Variants in NUDCD3 observed in about 807,000 individuals in gnomAD.
NUDCD3 encodes NudC domain containing 3.
In NUDCD3, 13 loss-of-function variants were observed where a neutral mutation model predicts 39.7. The ratio of observed to expected loss-of-function variants is 0.33; its 90% CI spans 0.21 to 0.52. The LOEUF (loss-of-function observed/expected upper bound fraction) is 0.52. Ranked by LOEUF, NUDCD3 falls within the 20% of genes least tolerant of loss-of-function variation. The probability of loss-of-function intolerance (pLI) is 0.96; values close to 1 mark genes in which losing one functional copy is unlikely to be tolerated. For synonymous variants in NUDCD3, 175 were observed against 172.4 expected, an observed-to-expected ratio of 1.02 and a Z score of -0.12; for missense variants, 453 against 458.1, an observed-to-expected ratio of 0.99 and a Z score of 0.10.
At chr7:44,486,460 A>T (rs1800611522) in intron 1 of NUDCD3, among the ~76,000 whole-genome samples, 1 of 152,060 alleles carries the variant, frequency 6.6e-6, no homozygotes. Flanking sequence ...CTGGCAAAAG[A>T]AGTAAAAAAC....
intron 2 of NUDCD3, among the ~76,000 whole-genome samples, chr7:44,459,596 A>G (rs941503939): frequency 9.2e-5 from 14 of 152,362 alleles, no homozygotes; most frequent in African/African-American, 3.1e-4. Flanking sequence ...ATAGAACTGG[A>G]TAATTCTATT....
At position 44,428,456 on chromosome 7, in the gene NUDCD3, G is replaced by C. The variant is rs77609257; in HGVS notation, c.510-753C>G. 2.5e-3 allele frequency among the ~76,000 whole-genome samples: 368 copies of C among 148,852 alleles called. 1 individual carries two copies. The highest frequency in any genetic ancestry group is 8.4e-3 in the African/African-American group (342 of 40,882). ...AAAACTCTGCTCAAAAAAAAAAAAG[G>C]CAAAACCACTTCATCCTGCAGCTGC... is the stretch of plus-strand genomic sequence containing the variant. On this transcript the variant is annotated intron_variant, in intron 2 of 5. Coordinates refer to ENST00000355451, the MANE Select transcript of NUDCD3 (RefSeq NM_015332.4).
chr7:44,398,279 CTATT>C (rs1181685904), intron 4 of NUDCD3, among the ~76,000 whole-genome samples: 1 of 152,166 alleles, frequency 6.6e-6, no homozygotes, highest in African/African-American at 2.4e-5. Context: ...AATTATCTAT[CTATT>C]GCTGTCAGTA....
At chr7:44,419,428 G>C (rs1188463277) in intron 3 of NUDCD3, among the ~76,000 whole-genome samples, 1 of 152,210 alleles carries the variant, frequency 6.6e-6, no homozygotes, top group Non-Finnish European at 1.5e-5. Flanking sequence ...AAACATTCTT[G>C]CCTGCCAGCT....
chr7:44,421,912 A>G (rs1266494781), intron 3 of NUDCD3, among the ~76,000 whole-genome samples: 2 of 152,248 alleles, frequency 1.3e-5, no homozygotes, highest in African/African-American at 2.4e-5. Flanking sequence ...AGCAAATGCA[A>G]AAGAACGGAA....
intron 2 of NUDCD3, among the ~76,000 whole-genome samples, chr7:44,460,542 T>C (rs1799986242): frequency 6.6e-6 from 1 of 151,956 alleles, no homozygotes; most frequent in Non-Finnish European, 1.5e-5. Flanking sequence ...CCCACCAGCA[T>C]ATATAATACT....
chr7:44,402,292 C>T (rs990794536), intron 4 of NUDCD3, among the ~76,000 whole-genome samples: 4 of 152,162 alleles, frequency 2.6e-5, no homozygotes, highest in South Asian at 2.1e-4. Context: ...CATTGAATGG[C>T]GGCCATTATT....
chr7:44,480,996 G>T (rs1314974468), intron 2 of NUDCD3, among the ~76,000 whole-genome samples: 1 of 137,514 alleles, frequency 7.3e-6, no homozygotes, highest in African/African-American at 2.7e-5. Flanking sequence ...AAAAAAAATG[G>T]ATTGTTTTGT....
Position 44,379,371 on chromosome 7 carries a change from C to T in NUDCD3, c.*6640G>A, listed in dbSNP as rs1018556344. The T allele has an allele frequency of 2.0e-4, 1 of 4,910 alleles. No individual in the cohort carries two copies. Among genetic ancestry groups the T allele is most frequent in the African/African-American group, 9.9e-4 (1 of 1,014 alleles). The allele number at this position is 4,910 out of a possible 1,614,324, so 0.3% of individuals were successfully genotyped here. On this transcript the variant is annotated 3_prime_UTR_variant, in exon 6 of 6. Coordinates refer to ENST00000355451, the MANE Select transcript of NUDCD3 (RefSeq NM_015332.4). ...CTTGGGACAGAGATGAGGCAGTTGG[C>T]GGGGCGGGGCGGGGTGGGGGGGAAC...
intron 2 of NUDCD3, among the ~76,000 whole-genome samples, chr7:44,466,990 T>C (rs1008469663): frequency 6.6e-6 from 1 of 152,214 alleles, no homozygotes; most frequent in African/African-American, 2.4e-5. Context: ...TCCAAATCTA[T>C]GGTGTGGCTC....
chr7:44,413,005 G>T (rs1464042876), intron 3 of NUDCD3, among the ~76,000 whole-genome samples: 2 of 151,644 alleles, frequency 1.3e-5, no homozygotes, highest in Admixed American at 6.6e-5. Flanking sequence ...ATTCTAATGG[G>T]GTAAAAAGAT....
At chr7:44,439,223 T>C (rs538188743) in intron 2 of NUDCD3, among the ~76,000 whole-genome samples, 1 of 152,336 alleles carries the variant, frequency 6.6e-6, no homozygotes, top group East Asian at 1.9e-4. Context: ...CACAGGATTC[T>C]GTTGGCCAAC....
intron 2 of NUDCD3, among the ~76,000 whole-genome samples, chr7:44,478,200 G>A (rs547992779): frequency 1.3e-5 from 2 of 152,332 alleles, no homozygotes; most frequent in African/African-American, 4.8e-5. Flanking sequence ...GCTATCTTGT[G>A]CAAATAGGGA....
chr7:44,390,492 T>G (rs1395524513), intron 5 of NUDCD3, among the ~76,000 whole-genome samples: 1 of 152,212 alleles, frequency 6.6e-6, no homozygotes, highest in Non-Finnish European at 1.5e-5. Flanking sequence ...AGTGTCAGTG[T>G]CTGGGGAAGA....
At chr7:44,453,208 C>T (rs1008591473) in intron 2 of NUDCD3, among the ~76,000 whole-genome samples, 5 of 152,042 alleles carry the variant, frequency 3.3e-5, no homozygotes, top group East Asian at 1.9e-4. Context: ...CAAAAATTAG[C>T]GGGGCATGGT....
chr7:44,410,342 C>CTA (rs1051392216), intron 3 of NUDCD3, among the ~76,000 whole-genome samples: 1 of 152,140 alleles, frequency 6.6e-6, no homozygotes, highest in Admixed American at 6.6e-5. Context: ...GGACAGGCAT[C>CTA]TATACAGATC....
At chr7:44,457,982 T>TATAC (rs770642104) in intron 2 of NUDCD3, among the ~76,000 whole-genome samples, 16 of 152,218 alleles carry the variant, frequency 1.1e-4, no homozygotes, top group Non-Finnish European at 1.8e-4. Context: ...CTCCTAGGTA[T>TATAC]ATACCTAAGA....
At chr7:44,475,665 T>C (rs190268514) in intron 2 of NUDCD3, among the ~76,000 whole-genome samples, 41 of 151,988 alleles carry the variant, frequency 2.7e-4, no homozygotes, top group Middle Eastern at 3.4e-3. Flanking sequence ...GAGGCTGAGG[T>C]AGGAAGACAG....
chr7:44,410,717 C>T (rs1419672026), intron 3 of NUDCD3, among the ~76,000 whole-genome samples: 1 of 151,468 alleles, frequency 6.6e-6, no homozygotes, highest in Non-Finnish European at 1.5e-5. Flanking sequence ...ACCTGTAATC[C>T]CAGCACTCTG....
Sources: gnomAD v4.1 joint callset for allele counts (sites outside exome capture counted in the v4.1 genomes callset) on GRCh38, gnomAD v4.1.1 for gene constraint, MANE v1.5 for transcripts, NCBI Gene and HGNC (gene_info 2026-07-23, HGNC 2026-07-21) for gene names.